TM9SF2: variants seen among roughly 807,000 people sequenced by gnomAD.
TM9SF2 encodes the protein transmembrane 9 superfamily member 2.
A neutral mutation model predicts 84.9 loss-of-function variants in TM9SF2; 13 were observed. The observed-to-expected ratio is 0.15, with a 90% CI of 0.10 to 0.24. TM9SF2 has a LOEUF of 0.24. Ranked by LOEUF, TM9SF2 falls within the 10% of genes least tolerant of loss-of-function variation. TM9SF2 has a pLI of 1.00. For synonymous variants in TM9SF2, 273 were observed against 285.8 expected (o/e 0.96, Z 0.45); for missense variants, 562 against 818.5 (o/e 0.69, Z 3.82).
chr13:99,526,213 G>C (rs2046182815), intron 3 of TM9SF2, among the ~76,000 whole-genome samples: 1 of 152,206 alleles, frequency 6.6e-6, no homozygotes, highest in African/African-American at 2.4e-5. Flanking sequence ...GCGGCTGCTA[G>C]GCTGCATCAG....
intron 10 of TM9SF2, among the ~76,000 whole-genome samples, chr13:99,546,580 T>TA (rs1248443652): frequency 1.3e-5 from 2 of 151,920 alleles, no homozygotes; most frequent in Non-Finnish European, 2.9e-5. Flanking sequence ...TTTTTTTTTT[T>TA]ACCCCCAGAG....
At chr13:99,552,526 T>G (rs2046309328) in intron 13 of TM9SF2, among the ~76,000 whole-genome samples, 200 bp downstream of exon 13, 1 of 152,198 alleles carries the variant, frequency 6.6e-6, no homozygotes, top group East Asian at 1.9e-4. Flanking sequence ...GTTTCAAAGT[T>G]TTTTAAGTGA....
Position 99,517,693 on chromosome 13 carries a change from A to G in TM9SF2, c.239+12A>G. 2 of 1,560,070 alleles carry G rather than the reference A, an allele frequency of 1.3e-6. No homozygotes were observed. The highest frequency in any genetic ancestry group is 1.4e-5 in the African/African-American group (1 of 72,114). On this transcript the variant is annotated intron_variant, in intron 2 of 16. Transcript: ENST00000376387. The stretch of plus-strand genomic sequence containing the variant: ...TATGAATACACAGCGTAAGTTTTTC[A>G]GCTTGGCTTTTATATAAAATTTTAT...
Position 99,543,998 on chromosome 13 carries a change from A to G in TM9SF2, c.1150+3A>G. Reference sequence around the variant, plus strand: ...AATTATGACCTTTGTGACTCTATGTAAGTGTTAACTGAAAATTTTCAAGTA... The same window carrying G: ...AATTATGACCTTTGTGACTCTATGTGAGTGTTAACTGAAAATTTTCAAGTA... On this transcript the variant is annotated splice_donor_region_variant and intron_variant, in intron 10 of 16. Transcript: ENST00000376387. The G allele has an allele frequency of 6.2e-7, 1 of 1,609,722 alleles. No homozygotes were observed. The highest frequency in any genetic ancestry group is 8.5e-7 in the Non-Finnish European group (1 of 1,178,702).
rs1347883835 is a variant in TM9SF2 at position 99,528,031 on chromosome 13, AATT to A, written c.334-1433_334-1431del. ...ATCCTCACTGAAATAATTTAGGAAA[AATT>A]ATAATCCCACGTTTTCCCGAATAGA... On this transcript the variant is annotated intron_variant, in intron 3 of 16. Transcript: ENST00000376387. Among the ~76,000 whole-genome samples, 9 of 152,326 alleles carry A rather than the reference AATT, an allele frequency of 5.9e-5. No individual in the cohort carries two copies. The South Asian group carries it at 1.9e-3, about 32-fold the overall frequency.
chr13:99,552,405 A>G, intron 13 of TM9SF2, 79 bp downstream of exon 13: 1 of 1,360,912 alleles, frequency 7.3e-7, no homozygotes. Flanking sequence ...AGATACCATA[A>G]AAGTGTGTAA....
chr13:99,549,241 A>G lies in TM9SF2; in HGVS notation c.1328+19A>G. Reference sequence around the variant, plus strand: ...GTCCTGGGTAAGTGAATTTTTCAAGAATTACTTTCTTAACATAGTTACATG... The same window carrying G: ...GTCCTGGGTAAGTGAATTTTTCAAGGATTACTTTCTTAACATAGTTACATG... On this transcript the variant is annotated intron_variant, in intron 12 of 16. Transcript: ENST00000376387. 9 of 1,607,358 alleles carry G rather than the reference A, an allele frequency of 5.6e-6. No homozygotes were observed. The highest frequency in any genetic ancestry group is 6.8e-6 in the Non-Finnish European group (8 of 1,174,830).
Position 99,501,549 on chromosome 13 carries a change from A to C in TM9SF2, c.-58A>C. On this transcript the variant is annotated 5_prime_UTR_variant, in exon 1 of 17. Coordinates refer to ENST00000376387, the MANE Select transcript of TM9SF2 (RefSeq NM_004800.3). ...CTTGTAGTCGTCTCCGAGACTCCCC[A>C]CCCCTCCTTCCCTCTTGACCCCCTA... is the stretch of plus-strand genomic sequence containing the variant. The C allele has an allele frequency of 1.5e-5, 23 of 1,517,730 alleles. No homozygotes were observed. Among genetic ancestry groups the C allele is most frequent in the Non-Finnish European group, 2.0e-5 (22 of 1,113,156 alleles). 94.0% of individuals were successfully genotyped at this position (1,517,730 alleles called of 1,614,324 possible). A position where few individuals can be genotyped will look rare whatever the true frequency, so the allele number is the denominator to read the frequency against.
chr13:99,532,878 C>T (rs929856177), intron 4 of TM9SF2, among the ~76,000 whole-genome samples: 9 of 152,088 alleles, frequency 5.9e-5, no homozygotes, highest in Non-Finnish European at 1.2e-4. Context: ...AAAAAAATTA[C>T]CTGAGAAAGT....
Position 99,537,756 on chromosome 13 carries a change from A to T in TM9SF2, c.609A>T (p.Arg203Ser). 1 of 1,607,572 alleles carries T rather than the reference A, an allele frequency of 6.2e-7. No homozygotes were observed. The highest frequency in any genetic ancestry group is 8.5e-7 in the Non-Finnish European group (1 of 1,178,724). ...ACVISSDFHE[R>S]DTFYIFNHVD... The stretch of plus-strand genomic sequence containing the variant: ...TTCTGCAGTCAGATTTCCATGAAAG[A>T]GATACATTTTACATCTTCAACCATG... Residue 203 changes from arginine to serine, a missense_variant, in exon 6 of 17, where the codon AGA (arginine) becomes AGT (serine). By Grantham distance (110) the Arg-to-Ser change is moderately radical. Transcript: ENST00000376387.
At chr13:99,540,240 A>G (rs749142391) in intron 7 of TM9SF2, among the ~76,000 whole-genome samples, 1 of 152,054 alleles carries the variant, frequency 6.6e-6, no homozygotes, top group Non-Finnish European at 1.5e-5. Flanking sequence ...GTGATGTTTA[A>G]TATCCCCGTA....
intron 4 of TM9SF2, among the ~76,000 whole-genome samples, chr13:99,532,539 A>C (rs1364019021): frequency 6.6e-6 from 1 of 151,946 alleles, no homozygotes; most frequent in African/African-American, 2.4e-5. Flanking sequence ...AAAATACAAA[A>C]ATTAGCCAGG....
intron 4 of TM9SF2, among the ~76,000 whole-genome samples, chr13:99,532,211 C>T (rs949636289): frequency 9.2e-5 from 14 of 151,828 alleles, no homozygotes; most frequent in Non-Finnish European, 1.3e-4. Flanking sequence ...GCCACCATGC[C>T]GGCTAATTTT....
chr13:99,523,678 A>G (rs2139082564), intron 3 of TM9SF2, among the ~76,000 whole-genome samples: 2 of 152,370 alleles, frequency 1.3e-5, no homozygotes, highest in South Asian at 4.1e-4. Context: ...ACATTTGCTC[A>G]GTACCTTTCA....
chr13:99,515,889 C>T (rs7982571), intron 1 of TM9SF2, among the ~76,000 whole-genome samples: 80,382 of 151,766 alleles, frequency 0.53, 22,932 homozygotes, highest in East Asian at 0.7. Context: ...TGTGCCAATA[C>T]ACCCGGCTAA....
rs2046353909 is a variant in TM9SF2 at position 99,563,834 on chromosome 13, C to A, written c.*1076C>A. 1 of 152,174 alleles carries A rather than the reference C, an allele frequency of 6.6e-6. No homozygotes were observed. The highest frequency in any genetic ancestry group is 2.1e-4 in the South Asian group (1 of 4,828). The allele number at this position is 152,174 out of a possible 1,614,324, so 9.4% of individuals were successfully genotyped here. ...AAGAGTTAAGAAATGCACTGTCTTT[C>A]ACATTCATCTGACTAATTGAAATCC... On this transcript the variant is annotated 3_prime_UTR_variant, in exon 17 of 17. Transcript: ENST00000376387.
intron 12 of TM9SF2, among the ~76,000 whole-genome samples, chr13:99,551,569 C>T (rs868522916): frequency 2.0e-5 from 3 of 152,070 alleles, no homozygotes; most frequent in African/African-American, 4.8e-5. Flanking sequence ...AAAGTGGTTG[C>T]GCTTAAAAAC....
chr13:99,531,096 A>G (rs145059002), intron 4 of TM9SF2, among the ~76,000 whole-genome samples: 119 of 152,196 alleles, frequency 7.8e-4, no homozygotes, highest in African/African-American at 2.7e-3. Context: ...CCTGACCTTA[A>G]GAGATCCGCC....
At chr13:99,511,406 A>G (rs1218224583) in intron 1 of TM9SF2, among the ~76,000 whole-genome samples, 2 of 152,058 alleles carry the variant, frequency 1.3e-5, no homozygotes, top group Non-Finnish European at 2.9e-5. Flanking sequence ...CTTTCTTCCA[A>G]TTTTTAACAA....
Sources: gnomAD v4.1 joint callset for allele counts (sites outside exome capture counted in the v4.1 genomes callset) on GRCh38, gnomAD v4.1.1 for gene constraint, MANE v1.5 for transcripts, NCBI Gene and HGNC (gene_info 2026-07-23, HGNC 2026-07-21) for gene names.